The following UHRF2 variants were observed in gnomAD, a reference collection of about 807,000 sequenced individuals.
UHRF2 encodes the protein E3 ubiquitin-protein ligase UHRF2.
A neutral mutation model predicts 96.8 loss-of-function variants in UHRF2; 23 were observed. That is an observed-to-expected ratio of 0.24 (90% CI 0.17 to 0.34). The LOEUF (loss-of-function observed/expected upper bound fraction) is 0.34. Among genes scored for constraint, UHRF2 ranks in the 10% least tolerant of loss-of-function variants. The probability of loss-of-function intolerance (pLI) is 1.00; values close to 1 mark genes in which losing one functional copy is unlikely to be tolerated. For synonymous variants in UHRF2, 385 were observed against 332.6 expected, an observed-to-expected ratio of 1.16 and a Z score of -1.72; for missense variants, 685 against 981.5, an observed-to-expected ratio of 0.70 and a Z score of 4.04.
intron 3 of UHRF2, among the ~76,000 whole-genome samples, chr9:6,443,899 A>G (rs1821334520): frequency 6.6e-6 from 1 of 152,232 alleles, no homozygotes. Context: ...TTCTGGAGCT[A>G]TTCTCAGTCT....
At chr9:6,494,112 TA>T (rs1824830947) in intron 10 of UHRF2, 180 bp downstream of exon 10, 3 of 529,952 alleles carry the variant, frequency 5.7e-6, no homozygotes, top group Non-Finnish European at 9.8e-6. Context: ...TTTATACTGT[TA>T]TTTTTTAAAT....
At chr9:6,448,521 C>T (rs987493063) in intron 3 of UHRF2, among the ~76,000 whole-genome samples, 1 of 152,176 alleles carries the variant, frequency 6.6e-6, no homozygotes, top group African/African-American at 2.4e-5. Flanking sequence ...TTCTATGCTT[C>T]ATCTGTAAAA....
At chr9:6,489,137 C>G (rs1180701082) in intron 9 of UHRF2, among the ~76,000 whole-genome samples, 1 of 152,162 alleles carries the variant, frequency 6.6e-6, no homozygotes, top group East Asian at 1.9e-4. Flanking sequence ...TTTCTCACTT[C>G]AAGAATTTTT....
chr9:6,413,807 G>A, intron 1 of UHRF2, 164 bp downstream of exon 1: 1 of 884,470 alleles, frequency 1.1e-6, no homozygotes, highest in Non-Finnish European at 1.5e-6. Context: ...GCCCAGTCCC[G>A]CCGAATGGTG....
chr9:6,423,195 G>A (rs1820036784), intron 2 of UHRF2, among the ~76,000 whole-genome samples: 1 of 152,176 alleles, frequency 6.6e-6, no homozygotes, highest in Non-Finnish European at 1.5e-5. Flanking sequence ...ATTAAGAAGA[G>A]ATTAGAACCA....
chr9:6,442,303 T>A (rs1587798254), intron 3 of UHRF2, among the ~76,000 whole-genome samples: 2 of 152,164 alleles, frequency 1.3e-5, no homozygotes, highest in East Asian at 3.8e-4. Context: ...GAGATGGGAT[T>A]GAAATAGATG....
Position 6,505,999 on chromosome 9 carries a change from C to G in UHRF2, c.2263-34C>G, listed in dbSNP as rs112064627. The G allele has an allele frequency of 1.1e-5, 17 of 1,612,222 alleles. 1 individual carries two copies. In the African/African-American group the frequency reaches 1.3e-4, roughly 13 times the overall value. ...GCTGAGTACTTACATGCTTTATGCT[C>G]AGATTAAATTGGATGTTTTTGTTTT... is the stretch of plus-strand genomic sequence containing the variant. On this transcript the variant is annotated intron_variant, in intron 15 of 15. Transcript: ENST00000276893.
intron 4 of UHRF2, among the ~76,000 whole-genome samples, chr9:6,471,413 G>C (rs1003402719): frequency 6.6e-6 from 1 of 152,174 alleles, no homozygotes; most frequent in African/African-American, 2.4e-5. Context: ...ACCCTCATGT[G>C]GTTTTCAGCC....
chr9:6,488,154 G>A (rs910580980), intron 9 of UHRF2, among the ~76,000 whole-genome samples: 2 of 150,784 alleles, frequency 1.3e-5, no homozygotes, highest in South Asian at 2.1e-4. Context: ...GAGGCAGGAG[G>A]ATTGCTTGAG....
At position 6,460,647 on chromosome 9, in the gene UHRF2, A is replaced by G. The variant is rs1464806553; in HGVS notation, c.719A>G (p.Asn240Ser). 6.2e-7 allele frequency: 1 copy of G among 1,613,570 alleles called. No individual in the cohort carries two copies. The highest frequency in any genetic ancestry group is 8.5e-7 in the Non-Finnish European group (1 of 1,179,930). The change falls in exon 4 of 16, where the codon AAT (asparagine) becomes AGT (serine). Residue 240 changes from asparagine (N) to serine (S), a missense_variant. Coordinates refer to ENST00000276893, the MANE Select transcript of UHRF2 (RefSeq NM_152896.3). ...RPRARTILKW[N>S]ELNVGDVVMV... ...CGAGCTAGAACCATTTTGAAATGGA[A>G]TGAACTAAATGTTGGTGATGTGGTA... is the stretch of plus-strand genomic sequence containing the variant.
chr9:6,451,401 A>G (rs1319538226), intron 3 of UHRF2, among the ~76,000 whole-genome samples: 1 of 152,094 alleles, frequency 6.6e-6, no homozygotes, highest in African/African-American at 2.4e-5. Flanking sequence ...AAAACAAAAT[A>G]TACTAAGAGA....
intron 9 of UHRF2, among the ~76,000 whole-genome samples, chr9:6,493,444 A>G (rs1027644305): frequency 1.3e-5 from 2 of 152,144 alleles, no homozygotes; most frequent in Admixed American, 1.3e-4. Context: ...TGTTTGTTGA[A>G]GTGGTATTAT....
chr9:6,461,087 A>G (rs1822507879), intron 4 of UHRF2, among the ~76,000 whole-genome samples: 1 of 152,190 alleles, frequency 6.6e-6, no homozygotes, highest in South Asian at 2.1e-4. Flanking sequence ...ACAAAACAAT[A>G]TATAAAAGCA....
chr9:6,462,741 A>AC (rs1426892907), intron 4 of UHRF2, among the ~76,000 whole-genome samples: 1 of 151,720 alleles, frequency 6.6e-6, no homozygotes, highest in Admixed American at 6.6e-5. Flanking sequence ...ATATGGTGAA[A>AC]CCCCATCTCT....
chr9:6,483,776 A>G (rs959584033), intron 8 of UHRF2, among the ~76,000 whole-genome samples: 1 of 151,436 alleles, frequency 6.6e-6, no homozygotes, highest in South Asian at 2.1e-4. Flanking sequence ...CACAACCTCT[A>G]CCTCCCGGGT....
intron 3 of UHRF2, among the ~76,000 whole-genome samples, chr9:6,455,547 A>G (rs917036105): frequency 4.9e-4 from 74 of 152,202 alleles, no homozygotes; most frequent in African/African-American, 1.8e-3. Flanking sequence ...ATTGATGGAC[A>G]TTTGGGTTGG....
intron 14 of UHRF2, among the ~76,000 whole-genome samples, chr9:6,502,599 T>TA (rs1392413498): frequency 1.3e-5 from 2 of 152,214 alleles, no homozygotes; most frequent in Admixed American, 6.5e-5. Context: ...CATCAGTTAT[T>TA]ACTATCTGAA....
rs1309783037 is a variant in UHRF2 at position 6,413,532 on chromosome 9, C to T, written c.42C>T (p.Cys14=). 2 of 1,593,812 alleles carry T rather than the reference C, an allele frequency of 1.3e-6. No individual in the cohort carries two copies. Among genetic ancestry groups the T allele is most frequent in the Admixed American group, 3.5e-5 (2 of 57,830 alleles). Residue 14 remains cysteine, a synonymous_variant, in exon 1 of 16, where the codon TGC becomes TGT. Transcript: ENST00000276893. ...QVRTIDGSKT[C]TIEDVSRKAT... ...GCACCATTGATGGCTCCAAGACGTG[C>T]ACCATTGAGGACGTGTCTCGCAAAG...
In UHRF2 at chr9:6,493,823, C is replaced by A. The variant is rs377635010; in HGVS notation, c.1498-3C>A. On this transcript the variant is annotated splice_polypyrimidine_tract_variant and splice_region_variant and intron_variant, in intron 9 of 15. Transcript: ENST00000276893. ...TCTTAATAAAGAAAATCTTCTCTGA[C>A]AGGACCGAGGTGATGAGTTCACATA... 15 of 1,606,260 alleles carry A rather than the reference C, an allele frequency of 9.3e-6. No individual in the cohort carries two copies. The highest frequency in any genetic ancestry group is 1.3e-5 in the Non-Finnish European group (15 of 1,177,392).
Sources: allele counts gnomAD v4.1 joint callset (sites outside exome capture counted in the v4.1 genomes callset), GRCh38; gene constraint gnomAD v4.1.1; transcripts MANE v1.5; gene names NCBI Gene and HGNC (gene_info 2026-07-23, HGNC 2026-07-21).